The following WIZ variants were observed in gnomAD, a reference collection of about 807,000 sequenced individuals.
WIZ encodes WIZ zinc finger.
Under a neutral mutation model 140.2 loss-of-function variants are expected in WIZ, and 25 were observed. That is an observed-to-expected ratio of 0.18 (90% CI 0.13 to 0.25). The LOEUF is 0.25. Ranked by LOEUF, WIZ falls within the 10% of genes least tolerant of loss-of-function variation. The probability of loss-of-function intolerance (pLI) is 1.00; values close to 1 mark genes in which losing one functional copy is unlikely to be tolerated. For missense variants in WIZ, 2,231 were observed against 2,632.6 expected (o/e 0.85, Z 3.34); for synonymous variants, 1,125 against 1,154.3 (o/e 0.97, Z 0.51).
Position 15,428,127 on chromosome 19 carries a change from G to A in WIZ, c.3797C>T (p.Pro1266Leu), listed in dbSNP as rs1012745608. 4.0e-5 allele frequency: 61 copies of A among 1,534,068 alleles called. No homozygotes were observed. Among genetic ancestry groups the A allele is most frequent in the East Asian group, 2.2e-4 (9 of 40,902 alleles). The part of the protein sequence containing the change: ...AGIFWASDVE[P>L]SPLNLSSGPE... ...GAACCTACAGAGGTTGAGAGGAGAC[G>A]GCTCCACATCAGAGGCCCAGAAAAT... The change falls in exon 8 of 13, where the codon CCG (proline) becomes CTG (leucine). Residue 1266 changes from proline to leucine, a missense_variant. Coordinates refer to ENST00000673675, the MANE Select transcript of WIZ (RefSeq NM_001371589.1). The surrounding 1 kb of genome is among the most constrained non-coding windows in gnomAD (Gnocchi z 6.4).
chr19:15,429,497 C>CCA, intron 7 of WIZ, 89 bp downstream of exon 7: 6 of 1,105,814 alleles, frequency 5.4e-6, no homozygotes, highest in Non-Finnish European at 7.0e-6. Context: ...CCCACCCACC[C>CCA]TGGGCCCTGT....
intron 5 of WIZ, among the ~76,000 whole-genome samples, chr19:15,432,281 G>A (rs1260570453): frequency 1.3e-5 from 2 of 151,902 alleles, no homozygotes; most frequent in Admixed American, 1.3e-4. Flanking sequence ...GGGACCCTGC[G>A]AGCGGCGACA....
At chr19:15,423,344 C>G (rs1968496034) in intron 12 of WIZ, 109 bp from the exon 13 acceptor site, 9 of 1,377,264 alleles carry the variant, frequency 6.5e-6, no homozygotes, top group Non-Finnish European at 8.8e-6. Flanking sequence ...GTGGACAGAG[C>G]CAGCCCAGGA....
At chr19:15,431,973 G>A (rs1036917095) in intron 5 of WIZ, among the ~76,000 whole-genome samples, 1 of 152,212 alleles carries the variant, frequency 6.6e-6, no homozygotes, top group Admixed American at 6.5e-5. Context: ...GTGCCAAATG[G>A]GGCCTTGGAG....
Position 15,442,550 on chromosome 19 carries a change from C to T in WIZ, c.278+126G>A. On this transcript the variant is annotated intron_variant, in intron 3 of 12. Transcript: ENST00000673675. The surrounding 1 kb of genome is among the most constrained non-coding windows in gnomAD (Gnocchi z 5.5). ...GGGCTTGCCTGCCGGGAGCTGACTC[C>T]TCCTCCTGCCTGGCCTCCTGATTCC... The T allele has an allele frequency of 4.1e-6, 3 of 732,466 alleles. No individual in the cohort carries two copies. The highest frequency in any genetic ancestry group is 5.6e-6 in the Non-Finnish European group (3 of 532,100). 45.4% of individuals were successfully genotyped at this position (732,466 alleles called of 1,614,324 possible).
chr19:15,433,297 G>T, intron 5 of WIZ: 1 of 985,408 alleles, frequency 1.0e-6, no homozygotes, highest in Non-Finnish European at 1.2e-6. Flanking sequence ...TTCTCTCTCC[G>T]ATTGTCCCCA....
At chr19:15,426,888 A>AG in intron 9 of WIZ, 94 bp downstream of exon 9, 1 of 1,460,844 alleles carries the variant, frequency 6.8e-7, no homozygotes, top group African/African-American at 1.4e-5. Context: ...CCTCCCTTCC[A>AG]ATTCAACCCT....
At chr19:15,434,236 C>T (rs556103835) in intron 5 of WIZ, among the ~76,000 whole-genome samples, 81 of 138,336 alleles carry the variant, frequency 5.9e-4, no homozygotes, top group African/African-American at 2.1e-3. Context: ...CCAGCTTGGG[C>T]GACAGAGCAG....
At chr19:15,437,624 C>G (rs570222752) in intron 4 of WIZ, among the ~76,000 whole-genome samples, 1 of 152,216 alleles carries the variant, frequency 6.6e-6, no homozygotes, top group African/African-American at 2.4e-5. Flanking sequence ...CCATGGCACT[C>G]CAGCCTGGGC....
At position 15,424,150 on chromosome 19, in the gene WIZ, G is replaced by A; in HGVS notation, c.5510+33C>T. 1 of 1,463,392 alleles carries A rather than the reference G, an allele frequency of 6.8e-7. No individual in the cohort carries two copies. The highest frequency in any genetic ancestry group is 9.0e-7 in the Non-Finnish European group (1 of 1,106,976). 90.7% of individuals were successfully genotyped at this position (1,463,392 alleles called of 1,614,324 possible). A position where few individuals can be genotyped will look rare whatever the true frequency, so the allele number is the denominator to read the frequency against. On this transcript the variant is annotated intron_variant, in intron 12 of 12. Transcript: ENST00000673675. This position sits in a 1 kb window ranked among gnomAD's most constrained non-coding sequence, Gnocchi z 9.7. ...CTCCGGGTGACCAAGGTCCACTCAGGTGGTCTCCCTCCCTCCCCCAGGGGC... is the reference window on the plus strand; with the variant it reads ...CTCCGGGTGACCAAGGTCCACTCAGATGGTCTCCCTCCCTCCCCCAGGGGC...
rs954000640 is a variant in WIZ at position 15,420,649 on chromosome 19, G to A, written c.*2427C>T. The A allele has an allele frequency of 1.3e-5, 2 of 152,230 alleles. No homozygotes were observed. The highest frequency in any genetic ancestry group is 1.5e-5 in the Non-Finnish European group (1 of 68,048). The allele number at this position is 152,230 out of a possible 1,614,324, so 9.4% of individuals were successfully genotyped here. On this transcript the variant is annotated 3_prime_UTR_variant, in exon 13 of 13. Coordinates refer to ENST00000673675, the MANE Select transcript of WIZ (RefSeq NM_001371589.1). ...AGTGGCTTGAGCAGAGAAGAGCAAT[G>A]CTCAGAAAGTTTTAGGAAAACATCC... is the stretch of plus-strand genomic sequence containing the variant.
intron 2 of WIZ, among the ~76,000 whole-genome samples, chr19:15,446,862 G>A (rs1348972135): frequency 6.6e-6 from 1 of 152,244 alleles, no homozygotes; most frequent in Non-Finnish European, 1.5e-5. Flanking sequence ...GTGCCCCAGG[G>A]CGTGGCCCCT....
intron 2 of WIZ, 78 bp downstream of exon 2, chr19:15,448,025 G>C: frequency 6.5e-7 from 1 of 1,538,190 alleles, no homozygotes. Flanking sequence ...CCGCTGCTGC[G>C]CTGGGTGACT....
chr19:15,440,690 A>G lies in WIZ; in HGVS notation c.304T>C (p.Phe102Leu). The change falls in exon 4 of 13, where the codon TTC becomes CTC. Residue 102 changes from phenylalanine (F) to leucine (L), a missense_variant. This residue lies in a region of WIZ where 307 missense variants were observed against 294.1 expected (regional missense o/e 1.04). Coordinates refer to ENST00000673675, the MANE Select transcript of WIZ (RefSeq NM_001371589.1). The surrounding 1 kb of genome is among the most constrained non-coding windows in gnomAD (Gnocchi z 6.2). Reference protein sequence around the residue: ...SCCWDGGSLDFRPGSPPPHLL... With the variant: ...SCCWDGGSLDLRPGSPPPHLL... ...TGGGGTGGTGGGGAGCCCGGCCGGA[A>G]GTCCAGGCTGCCTCCATCCCAGCAG... 1 of 1,505,742 alleles carries G rather than the reference A, an allele frequency of 6.6e-7. No homozygotes were observed. Among genetic ancestry groups the G allele is most frequent in the Non-Finnish European group, 8.9e-7 (1 of 1,128,672 alleles). 93.3% of individuals were successfully genotyped at this position (1,505,742 alleles called of 1,614,324 possible).
In WIZ at chr19:15,440,040, G is replaced by A. The variant is rs1004842847; in HGVS notation, c.954C>T (p.Ile318=). The change falls in exon 4 of 13, where the codon ATC becomes ATT. Residue 318 remains isoleucine, a synonymous_variant. Transcript: ENST00000673675. This position sits in a 1 kb window ranked among gnomAD's most constrained non-coding sequence, Gnocchi z 6.2. ...TCTGCTTGAAGTAGATGCTGCACTC[G>A]ATGCATGGGAACACGGCCGGCTCCT... The part of the protein sequence containing the change: ...EDEEPAVFPC[I]ECSIYFKQKE... 20 of 1,535,786 alleles carry A rather than the reference G, an allele frequency of 1.3e-5. No homozygotes were observed. The highest frequency in any genetic ancestry group is 1.6e-5 in the Non-Finnish European group (18 of 1,146,824).
chr19:15,447,020 C>T (rs1313562974), intron 2 of WIZ, among the ~76,000 whole-genome samples: 1 of 152,244 alleles, frequency 6.6e-6, no homozygotes, highest in Non-Finnish European at 1.5e-5. Context: ...CGTTGGGCAA[C>T]TTATGTCACC....
At position 15,442,670 on chromosome 19, in the gene WIZ, A is replaced by G; in HGVS notation, c.278+6T>C. On this transcript the variant is annotated splice_donor_region_variant and intron_variant, in intron 3 of 12. Transcript: ENST00000673675. The surrounding 1 kb of genome is among the most constrained non-coding windows in gnomAD (Gnocchi z 5.5). ...TCCCTGAGGTCAGGGCCAGCATGGC[A>G]CTCACCAGCTGCTGATCCGATGGGT... The G allele has an allele frequency of 8.1e-7, 1 of 1,232,300 alleles. No individual in the cohort carries two copies. The highest frequency in any genetic ancestry group is 1.0e-6 in the Non-Finnish European group (1 of 988,216). 76.3% of individuals were successfully genotyped at this position (1,232,300 alleles called of 1,614,324 possible).
In WIZ at chr19:15,431,252, G is replaced by A. The variant is rs945129940; in HGVS notation, c.2741-70C>T. On this transcript the variant is annotated intron_variant, in intron 5 of 12. Transcript: ENST00000673675. ...GTCTATACCCAGAACTAAGAAGATGGCCTTCTTCCTTATCCTTGATGTCCG... is the reference window on the plus strand; with the variant it reads ...GTCTATACCCAGAACTAAGAAGATGACCTTCTTCCTTATCCTTGATGTCCG... 5 of 1,411,644 alleles carry A rather than the reference G, an allele frequency of 3.5e-6. No individual in the cohort carries two copies. In the African/African-American group the frequency reaches 7.3e-5, roughly 20 times the overall value. 87.4% of individuals were successfully genotyped at this position (1,411,644 alleles called of 1,614,324 possible).
intron 12 of WIZ, 191 bp downstream of exon 12, chr19:15,423,992 T>G (rs1273763308): frequency 1.2e-5 from 6 of 496,148 alleles, no homozygotes; most frequent in East Asian, 1.1e-4. Flanking sequence ...AGTGGCAGAG[T>G]TGGGATTTGA....
Sources: allele counts gnomAD v4.1 joint callset (sites outside exome capture counted in the v4.1 genomes callset), GRCh38; gene constraint gnomAD v4.1.1; regional missense constraint gnomAD v4.1.1; non-coding constraint Gnocchi (gnomAD v3.1); transcripts MANE v1.5; gene names NCBI Gene and HGNC (gene_info 2026-07-23, HGNC 2026-07-21).